The following CHLSN variants were observed in gnomAD, a reference collection of about 807,000 sequenced individuals.
CHLSN encodes cholesin.
the CHLSN span, among the ~76,000 whole-genome samples, chr7:1,075,339 T>C: frequency 1.3e-5 from 2 of 152,024 alleles, no homozygotes; most frequent in African/African-American, 2.4e-5. Context: ...GGTAAAATCC[T>C]GTCTCTACTA....
chr7:1,026,560 G>A, the CHLSN span: 2 of 152,246 alleles, frequency 1.3e-5, no homozygotes, highest in East Asian at 3.8e-4. Flanking sequence ...GCACAAGGAC[G>A]GCCAACCACA....
At chr7:1,080,342 C>T in the CHLSN span, among the ~76,000 whole-genome samples, 15 of 152,286 alleles carry the variant, frequency 9.8e-5, no homozygotes, top group African/African-American at 3.6e-4. Context: ...CGGCACAGCC[C>T]CCCGTGCTCA....
the CHLSN span, among the ~76,000 whole-genome samples, chr7:1,069,167 A>C: frequency 6.6e-6 from 1 of 152,104 alleles, no homozygotes; most frequent in Non-Finnish European, 1.5e-5. Flanking sequence ...CCCCGTCTGT[A>C]CTAAAAATAC....
At chr7:984,656 G>A in the CHLSN span, 2 of 1,492,874 alleles carry the variant, frequency 1.3e-6, no homozygotes, top group Non-Finnish European at 1.8e-6. Context: ...CCAGCAGCGG[G>A]AGAGGCTCCC....
the CHLSN span, among the ~76,000 whole-genome samples, chr7:1,124,672 C>T: frequency 6.6e-6 from 1 of 150,796 alleles, no homozygotes; most frequent in African/African-American, 2.5e-5. Context: ...ATGTAACTAA[C>T]CTGCACAATG....
At chr7:1,106,349 G>T in the CHLSN span, among the ~76,000 whole-genome samples, 1 of 152,208 alleles carries the variant, frequency 6.6e-6, no homozygotes, top group African/African-American at 2.4e-5. Context: ...AAACCCCAGA[G>T]ACACGTCCTT....
chr7:1,016,488 C>A, the CHLSN span, among the ~76,000 whole-genome samples: 19,218 of 136,320 alleles, frequency 0.14, 1,891 homozygotes, highest in Admixed American at 0.21. Context: ...CAGCAGCACA[C>A]AGCAGCGCAC....
the CHLSN span, among the ~76,000 whole-genome samples, chr7:982,154 G>A: frequency 6.6e-6 from 1 of 152,174 alleles, no homozygotes; most frequent in African/African-American, 2.4e-5. Flanking sequence ...CCTCCCCGCC[G>A]CAGCCGCCCA....
chr7:1,014,013 C>T, the CHLSN span, among the ~76,000 whole-genome samples: 7 of 152,334 alleles, frequency 4.6e-5, no homozygotes, highest in East Asian at 1.9e-4. Context: ...GATGGGGAGG[C>T]GGCCAGCGGG....
At chr7:1,006,926 C>T in the CHLSN span, among the ~76,000 whole-genome samples, 6 of 152,202 alleles carry the variant, frequency 3.9e-5, no homozygotes, top group African/African-American at 1.4e-4. Flanking sequence ...AGAAGATGAA[C>T]CCTTGAGATG....
At chr7:1,048,146 G>T in the CHLSN span, among the ~76,000 whole-genome samples, 8 of 152,284 alleles carry the variant, frequency 5.3e-5, no homozygotes, top group African/African-American at 1.7e-4. Flanking sequence ...CTGAGAGAAC[G>T]AGGGGAAGCG....
At chr7:1,028,219 C>A in the CHLSN span, 2 of 1,068,526 alleles carry the variant, frequency 1.9e-6, no homozygotes, top group Admixed American at 5.1e-5. Context: ...CCATCCCCTC[C>A]CTGCAGCCCG....
the CHLSN span, among the ~76,000 whole-genome samples, chr7:1,123,472 G>A: frequency 1.4e-4 from 22 of 152,150 alleles, no homozygotes; most frequent in Non-Finnish European, 3.1e-4. This position sits in a 1 kb window ranked among gnomAD's most constrained non-coding sequence, Gnocchi z 4.4. Flanking sequence ...GGATCCACTG[G>A]GGGAGGGGAG....
chr7:1,117,414 G>A, the CHLSN span, among the ~76,000 whole-genome samples: 19 of 80,838 alleles, frequency 2.4e-4, no homozygotes, highest in East Asian at 4.0e-4. Context: ...TGACATCACT[G>A]CAGTTCTACG....
chr7:1,110,113 G>A, the CHLSN span, among the ~76,000 whole-genome samples: 1 of 152,156 alleles, frequency 6.6e-6, no homozygotes, highest in African/African-American at 2.4e-5. Flanking sequence ...GCCCACAGGA[G>A]ACAGAGGACC....
chr7:1,046,354 G>A, the CHLSN span, among the ~76,000 whole-genome samples: 620 of 152,300 alleles, frequency 4.1e-3, 1 homozygote, highest in Middle Eastern at 0.017. Context: ...TCATGCACAC[G>A]ACGATCCCAC....
chr7:1,092,325 G>C, the CHLSN span: 1 of 1,611,484 alleles, frequency 6.2e-7, no homozygotes, highest in Non-Finnish European at 8.5e-7. Flanking sequence ...TGCACCTGCA[G>C]CACACCGACG....
chr7:1,126,725 G>A, the CHLSN span, among the ~76,000 whole-genome samples: 7 of 152,174 alleles, frequency 4.6e-5, no homozygotes, highest in African/African-American at 1.4e-4. Context: ...GATGGCTCAC[G>A]TGTCTTTTCA....
At chr7:1,023,671 A>ACACACACC in the CHLSN span, among the ~76,000 whole-genome samples, 1 of 100,226 alleles carries the variant, frequency 1.0e-5, no homozygotes, top group African/African-American at 3.5e-5. The surrounding 1 kb of genome is among the most constrained non-coding windows in gnomAD (Gnocchi z 5.0). Context: ...ACACACACAC[A>ACACACACC]CACACACCAG....
Sources: gnomAD v4.1 joint callset for allele counts (sites outside exome capture counted in the v4.1 genomes callset) on GRCh38, gnomAD v4.1.1 for gene constraint, Gnocchi (gnomAD v3.1) non-coding constraint, MANE v1.5 for transcripts, NCBI Gene and HGNC (gene_info 2026-07-23, HGNC 2026-07-21) for gene names.